The following ANKRD30A variants were observed in gnomAD, a reference collection of about 807,000 sequenced individuals.
ANKRD30A encodes ankyrin repeat domain-containing protein 30A.
A neutral mutation model predicts 166.3 loss-of-function variants in ANKRD30A; 170 were observed. The ratio of observed to expected loss-of-function variants is 1.02; its 90% CI spans 0.90 to 1.16. ANKRD30A has a LOEUF of 1.16. Among genes scored for constraint, ANKRD30A ranks in the 50% most tolerant of loss-of-function variants. ANKRD30A has a pLI of 0.00. For missense variants in ANKRD30A, 1,630 were observed against 1,518.0 expected (o/e 1.07, Z -1.23); for synonymous variants, 564 against 508.9 (o/e 1.11, Z -1.46).
At chr10:37,146,948 A>G (rs1459007906) in intron 8 of ANKRD30A, among the ~76,000 whole-genome samples, 2 of 152,158 alleles carry the variant, frequency 1.3e-5, no homozygotes, top group Non-Finnish European at 2.9e-5. Context: ...GTGTCTATTT[A>G]TATAACTACC....
In ANKRD30A at chr10:37,134,034, G is replaced by T; in HGVS notation, c.736G>T (p.Val246Phe). ...TGGAGTAACTGCAGAACATTATGCT[G>T]TTACTTGTGGATTTCATCAGTAAGT... ...ICGVTAEHYA[V>F]TCGFHHIHEQ... The change falls in exon 5 of 36, where the codon GTT becomes TTT. Residue 246 changes from valine (V) to phenylalanine (F), a missense_variant. Physicochemically the swap from Val to Phe is conservative, Grantham distance 50 (BLOSUM62 -1). Coordinates refer to ENST00000361713, the MANE Select transcript of ANKRD30A (RefSeq NM_052997.3). 6.2e-7 allele frequency: 1 copy of T among 1,613,840 alleles called. No homozygotes were observed. Among genetic ancestry groups the T allele is most frequent in the Admixed American group, 1.7e-5 (1 of 59,984 alleles).
chr10:37,260,997 A>AAT, the ANKRD30A span, among the ~76,000 whole-genome samples: 3 of 94,536 alleles, frequency 3.2e-5, no homozygotes, highest in East Asian at 2.2e-3. Context: ...AACATTCCAC[A>AAT]ATATCTTTTT....
At chr10:37,216,456 T>A (rs1842614212) in intron 32 of ANKRD30A, 62 bp downstream of exon 32, 10 of 1,443,056 alleles carry the variant, frequency 6.9e-6, no homozygotes, top group Non-Finnish European at 5.6e-6. Context: ...CGTAGGATAC[T>A]TTTTGTAATA....
intron 15 of ANKRD30A, 127 bp downstream of exon 15, chr10:37,158,713 G>GCCAAT: frequency 7.4e-7 from 1 of 1,349,784 alleles, no homozygotes; most frequent in Non-Finnish European, 1.0e-6. Flanking sequence ...ATACAATAAT[G>GCCAAT]CCAATGTGAG....
At chr10:37,221,244 T>A (rs996036787) in intron 34 of ANKRD30A, among the ~76,000 whole-genome samples, 4 of 151,060 alleles carry the variant, frequency 2.6e-5, no homozygotes, top group African/African-American at 9.7e-5. Context: ...TGAATCAATA[T>A]ATTTGGGGAT....
the ANKRD30A span, among the ~76,000 whole-genome samples, chr10:37,259,890 T>G: frequency 3.5e-3 from 531 of 152,250 alleles, 1 homozygote; most frequent in Middle Eastern, 0.02. Flanking sequence ...GCAGGTGTGG[T>G]TTGCATGAGC....
At chr10:37,133,616 T>C (rs535687038) in intron 4 of ANKRD30A, among the ~76,000 whole-genome samples, 2 of 152,320 alleles carry the variant, frequency 1.3e-5, no homozygotes, top group Admixed American at 6.5e-5. Flanking sequence ...TATGTCAGAC[T>C]AAGGAAGAAA....
At chr10:37,143,905 A>G (rs1837329570) in intron 7 of ANKRD30A, among the ~76,000 whole-genome samples, 1 of 150,512 alleles carries the variant, frequency 6.6e-6, no homozygotes, top group African/African-American at 2.4e-5. Context: ...GTAGTAGTTC[A>G]TGCTATAGTC....
chr10:37,236,634 C>A (rs1717409218), downstream of ANKRD30A, among the ~76,000 whole-genome samples: 1 of 152,130 alleles, frequency 6.6e-6, no homozygotes, highest in South Asian at 2.1e-4. Flanking sequence ...GAAGGCTCAC[C>A]AATTATTTGT....
chr10:37,164,976 C>A, intron 17 of ANKRD30A, 118 bp from the exon 18 acceptor site: 1 of 1,074,716 alleles, frequency 9.3e-7, no homozygotes, highest in Non-Finnish European at 1.4e-6. Flanking sequence ...ACAAAAAGAA[C>A]ATATGGGCCA....
intron 15 of ANKRD30A, among the ~76,000 whole-genome samples, chr10:37,159,820 G>A (rs1235137789): frequency 1.3e-5 from 2 of 151,906 alleles, no homozygotes; most frequent in African/African-American, 2.4e-5. Context: ...TCAGCCTCCC[G>A]AGTAGCTGGG....
intron 27 of ANKRD30A, 104 bp downstream of exon 27, chr10:37,193,362 A>T: frequency 7.5e-7 from 1 of 1,338,570 alleles, no homozygotes; most frequent in Non-Finnish European, 1.0e-6. Context: ...TCATAATTTG[A>T]TGGGAAATTT....
At chr10:37,129,201 G>A (rs1366038552) in intron 1 of ANKRD30A, among the ~76,000 whole-genome samples, 1 of 152,068 alleles carries the variant, frequency 6.6e-6, no homozygotes, top group South Asian at 2.1e-4. Context: ...TCCACTTCTT[G>A]GAAGGCACTG....
In ANKRD30A at chr10:37,133,169, T is replaced by A. The variant is rs74491138; in HGVS notation, c.618-747T>A. On this transcript the variant is annotated intron_variant, in intron 4 of 35. Transcript: ENST00000361713. ...GAATTTATTATTATTTTTCCTTTTTTATTCATAGTGTATTTTTATTTTTAA... is the reference window on the plus strand; with the variant it reads ...GAATTTATTATTATTTTTCCTTTTTAATTCATAGTGTATTTTTATTTTTAA... Among the ~76,000 whole-genome samples the A allele has an allele frequency of 9.4e-3, 1,432 of 152,306 alleles. 36 individuals are homozygous for A. The East Asian group carries it at 0.095, about 10-fold the overall frequency.
At chr10:37,227,542 A>G (rs1397798479) in intron 34 of ANKRD30A, among the ~76,000 whole-genome samples, 2 of 151,946 alleles carry the variant, frequency 1.3e-5, no homozygotes, top group East Asian at 3.9e-4. Context: ...TTTTTCAATC[A>G]TGTTGCATAT....
the ANKRD30A span, among the ~76,000 whole-genome samples, chr10:37,259,453 A>G: frequency 1.3e-3 from 193 of 152,306 alleles, no homozygotes; most frequent in African/African-American, 3.6e-3. Flanking sequence ...GCAGCATTTA[A>G]TGAAGTTAAT....
chr10:37,154,022 A>G (rs1278580719), intron 13 of ANKRD30A, among the ~76,000 whole-genome samples: 3 of 152,212 alleles, frequency 2.0e-5, no homozygotes, highest in Admixed American at 6.5e-5. Flanking sequence ...TGATAAAATG[A>G]AATGATTCTT....
intron 25 of ANKRD30A, among the ~76,000 whole-genome samples, chr10:37,191,207 G>A (rs1840543276): frequency 1.3e-5 from 2 of 151,880 alleles, no homozygotes; most frequent in South Asian, 2.1e-4. Context: ...TGGATTAAGA[G>A]ATATTGAGAT....
the ANKRD30A span, among the ~76,000 whole-genome samples, chr10:37,244,384 C>T: frequency 6.6e-6 from 1 of 152,016 alleles, no homozygotes; most frequent in Non-Finnish European, 1.5e-5. Flanking sequence ...GGATGTAGGA[C>T]AAAAAGAAGA....
Sources: allele counts gnomAD v4.1 joint callset (sites outside exome capture counted in the v4.1 genomes callset), GRCh38; gene constraint gnomAD v4.1.1; transcripts MANE v1.5; gene names NCBI Gene and HGNC (gene_info 2026-07-23, HGNC 2026-07-21).